The following ATOSA variants were observed in gnomAD, a reference collection of about 807,000 sequenced individuals.
The protein encoded by ATOSA is atos homolog protein A.
chr15:52,610,329 C>T, the ATOSA span: 6 of 1,613,784 alleles, frequency 3.7e-6, no homozygotes, highest in Non-Finnish European at 5.1e-6. Context: ...GAAACACATG[C>T]TCAATTGGAG....
chr15:52,622,322 G>C, the ATOSA span, among the ~76,000 whole-genome samples: 2 of 152,182 alleles, frequency 1.3e-5, no homozygotes, highest in Non-Finnish European at 2.9e-5. Flanking sequence ...ATCTCAGTGA[G>C]ATTCCATATG....
At chr15:52,595,451 T>C in the ATOSA span, among the ~76,000 whole-genome samples, 1 of 152,036 alleles carries the variant, frequency 6.6e-6, no homozygotes, top group African/African-American at 2.4e-5. Context: ...AAATGACCAA[T>C]ATTAGTTGCT....
chr15:52,625,296 A>T, the ATOSA span, among the ~76,000 whole-genome samples: 2 of 152,122 alleles, frequency 1.3e-5, no homozygotes, highest in African/African-American at 4.8e-5. Flanking sequence ...GCAGAGAATA[A>T]GAGGCAAAGT....
chr15:52,662,681 A>G, the ATOSA span, among the ~76,000 whole-genome samples: 1 of 151,656 alleles, frequency 6.6e-6, no homozygotes, highest in East Asian at 1.9e-4. Flanking sequence ...GAGGCAGGAG[A>G]ATGGCGTGAA....
the ATOSA span, among the ~76,000 whole-genome samples, chr15:52,591,552 T>C: frequency 1.3e-5 from 2 of 152,194 alleles, no homozygotes; most frequent in African/African-American, 4.8e-5. Flanking sequence ...CCTGGCCAGA[T>C]CACAGTATTT....
At chr15:52,639,218 A>G in the ATOSA span, among the ~76,000 whole-genome samples, 1 of 152,192 alleles carries the variant, frequency 6.6e-6, no homozygotes, top group Non-Finnish European at 1.5e-5. Flanking sequence ...ATTAGTTACT[A>G]GAAGGGATAA....
the ATOSA span, among the ~76,000 whole-genome samples, chr15:52,654,191 A>G: frequency 9.2e-4 from 140 of 152,318 alleles, no homozygotes; most frequent in African/African-American, 3.2e-3. Context: ...AAGAGAATTT[A>G]CAGAAAAAAC....
the ATOSA span, among the ~76,000 whole-genome samples, chr15:52,602,463 C>G: frequency 6.6e-6 from 1 of 152,050 alleles, no homozygotes; most frequent in Non-Finnish European, 1.5e-5. Flanking sequence ...CTAAGGTCAT[C>G]TTCAGTAAGA....
the ATOSA span, chr15:52,651,877 G>A: frequency 2.5e-5 from 38 of 1,535,384 alleles, no homozygotes; most frequent in African/African-American, 5.5e-5. Flanking sequence ...CACCTTCTCT[G>A]TGAAGCCCTT....
At chr15:52,609,439 T>C in the ATOSA span, 2 of 1,613,762 alleles carry the variant, frequency 1.2e-6, no homozygotes, top group South Asian at 2.2e-5. Flanking sequence ...GTGCTCCAAG[T>C]GTTGAGCAAT....
chr15:52,671,273 A>G, the ATOSA span, among the ~76,000 whole-genome samples: 1 of 152,208 alleles, frequency 6.6e-6, no homozygotes, highest in Non-Finnish European at 1.5e-5. Flanking sequence ...CTGTATTTTC[A>G]AAAAATTAAG....
At chr15:52,650,524 T>C in the ATOSA span, among the ~76,000 whole-genome samples, 12 of 152,192 alleles carry the variant, frequency 7.9e-5, no homozygotes, top group Non-Finnish European at 1.5e-4. Flanking sequence ...ATAGTATTGT[T>C]ACAAAGATCA....
the ATOSA span, among the ~76,000 whole-genome samples, chr15:52,599,447 T>C: frequency 6.6e-6 from 1 of 152,316 alleles, no homozygotes; most frequent in East Asian, 1.9e-4. Context: ...ATGGTTAATA[T>C]ATCAAAACAC....
the ATOSA span, among the ~76,000 whole-genome samples, chr15:52,615,361 C>A: frequency 6.6e-6 from 1 of 151,796 alleles, no homozygotes; most frequent in Admixed American, 6.6e-5. Context: ...ACACACTATT[C>A]AATTTGTTGT....
the ATOSA span, among the ~76,000 whole-genome samples, chr15:52,694,994 G>T: frequency 1.3e-5 from 2 of 149,370 alleles, no homozygotes; most frequent in Admixed American, 6.7e-5. Flanking sequence ...GTGTGATCCC[G>T]GCTCACTGCA....
At chr15:52,663,731 C>T in the ATOSA span, among the ~76,000 whole-genome samples, 1 of 152,158 alleles carries the variant, frequency 6.6e-6, no homozygotes, top group African/African-American at 2.4e-5. Flanking sequence ...AGTGATCCTC[C>T]CATCTCAGCA....
the ATOSA span, among the ~76,000 whole-genome samples, chr15:52,607,491 A>C: frequency 3.3e-5 from 5 of 152,190 alleles, no homozygotes; most frequent in Admixed American, 2.0e-4. Context: ...ATTGTGAGGT[A>C]GTAGAAAGGA....
At chr15:52,683,201 C>T in the ATOSA span, among the ~76,000 whole-genome samples, 5 of 151,980 alleles carry the variant, frequency 3.3e-5, no homozygotes, top group African/African-American at 1.2e-4. Flanking sequence ...TAACTGTGCT[C>T]AGCATTTTAC....
the ATOSA span, among the ~76,000 whole-genome samples, chr15:52,604,160 G>A: frequency 6.6e-6 from 1 of 152,170 alleles, no homozygotes; most frequent in South Asian, 2.1e-4. Context: ...CGTGGCCCAC[G>A]CCTGTAATCC....
Sources: gnomAD v4.1 joint callset for allele counts (sites outside exome capture counted in the v4.1 genomes callset) on GRCh38, gnomAD v4.1.1 for gene constraint, MANE v1.5 for transcripts, NCBI Gene and HGNC (gene_info 2026-07-23, HGNC 2026-07-21) for gene names.